The following RIMS2 variants were observed in gnomAD, a reference collection of about 807,000 sequenced individuals.
RIMS2 encodes the protein regulating synaptic membrane exocytosis protein 2.
Under a neutral mutation model 174.4 loss-of-function variants are expected in RIMS2, and 59 were observed. The observed-to-expected ratio is 0.34, with a 90% CI of 0.27 to 0.42. The LOEUF (loss-of-function observed/expected upper bound fraction) is 0.42. Among genes scored for constraint, RIMS2 ranks in the 10% least tolerant of loss-of-function variants. The probability of loss-of-function intolerance (pLI) is 1.00; values close to 1 mark genes in which losing one functional copy is unlikely to be tolerated. For synonymous variants in RIMS2, 606 were observed against 572.5 expected (o/e 1.06, Z -0.84); for missense variants, 1,620 against 1,666.3 (o/e 0.97, Z 0.48).
At chr8:103,899,965 G>A (rs944431231) in intron 4 of RIMS2, among the ~76,000 whole-genome samples, 3 of 151,554 alleles carry the variant, frequency 2.0e-5, no homozygotes, top group African/African-American at 7.3e-5. Context: ...AGCACCATTT[G>A]TTAAATAGGG....
At chr8:104,084,584 G>A (rs2097502240) in intron 19 of RIMS2, among the ~76,000 whole-genome samples, 1 of 151,392 alleles carries the variant, frequency 6.6e-6, no homozygotes, top group East Asian at 2.0e-4. Flanking sequence ...TGTTTTTTAT[G>A]AGACGTGCAA....
chr8:103,820,922 T>C (rs894258741), intron 3 of RIMS2, among the ~76,000 whole-genome samples: 1 of 151,448 alleles, frequency 6.6e-6, no homozygotes, highest in African/African-American at 2.4e-5. Context: ...TTTTATGTTA[T>C]ATTTAAATTA....
chr8:104,142,608 T>G (rs1186988065), intron 19 of RIMS2, among the ~76,000 whole-genome samples: 1 of 152,180 alleles, frequency 6.6e-6, no homozygotes, highest in Non-Finnish European at 1.5e-5. Context: ...TCCTGGATGC[T>G]CCTTAAGTTA....
intron 1 of RIMS2, among the ~76,000 whole-genome samples, chr8:103,558,634 T>G (rs10102124): frequency 0.18 from 27,582 of 152,126 alleles, 2,748 homozygotes; most frequent in African/African-American, 0.26. Context: ...TAAGATAGTT[T>G]TTTTTTTGTC....
chr8:103,760,080 A>G (rs753444266), intron 2 of RIMS2, among the ~76,000 whole-genome samples: 5 of 152,240 alleles, frequency 3.3e-5, no homozygotes, highest in Non-Finnish European at 5.9e-5. Context: ...AAAATAGAGA[A>G]ATAAATACGC....
chr8:103,715,143 A>G (rs2097352865), intron 2 of RIMS2, among the ~76,000 whole-genome samples: 2 of 152,106 alleles, frequency 1.3e-5, no homozygotes, highest in African/African-American at 4.8e-5. Context: ...CTGAAGTGAG[A>G]CAAGATGTTG....
intron 19 of RIMS2, among the ~76,000 whole-genome samples, chr8:104,123,411 TA>T (rs1393669577): frequency 1.3e-5 from 2 of 151,952 alleles, no homozygotes; most frequent in African/African-American, 4.8e-5. Context: ...TTTCCTCCAT[TA>T]AAAAAATTAA....
chr8:103,899,186 G>A (rs2099312425), intron 4 of RIMS2, among the ~76,000 whole-genome samples: 1 of 151,650 alleles, frequency 6.6e-6, no homozygotes. Context: ...AAACATATGT[G>A]TGCATGTGTC....
At chr8:103,521,648 T>C (rs1193816729) in intron 1 of RIMS2, among the ~76,000 whole-genome samples, 1 of 152,052 alleles carries the variant, frequency 6.6e-6, no homozygotes, top group African/African-American at 2.4e-5. Flanking sequence ...TTACTATTCA[T>C]TTTTGCTGTG....
At chr8:104,198,832 A>G (rs556134708) in intron 19 of RIMS2, among the ~76,000 whole-genome samples, 5 of 152,080 alleles carry the variant, frequency 3.3e-5, no homozygotes, top group Non-Finnish European at 7.4e-5. Context: ...AGGGTCCTGG[A>G]TGGGCCCAAG....
intron 1 of RIMS2, among the ~76,000 whole-genome samples, chr8:103,502,666 C>A (rs1422504990): frequency 2.0e-5 from 3 of 151,964 alleles, no homozygotes; most frequent in African/African-American, 7.2e-5. Context: ...CAATGCCAAG[C>A]TTTTGATGAC....
At chr8:103,691,118 T>G (rs2097018485) in intron 1 of RIMS2, among the ~76,000 whole-genome samples, 1 of 152,246 alleles carries the variant, frequency 6.6e-6, no homozygotes, top group Non-Finnish European at 1.5e-5. Context: ...TTTGGGATTC[T>G]TTCTTTATCC....
chr8:103,978,399 T>C (rs1014733001), intron 16 of RIMS2, among the ~76,000 whole-genome samples: 1 of 118,010 alleles, frequency 8.5e-6, no homozygotes, highest in African/African-American at 2.6e-5. Flanking sequence ...GTCAAAAGTG[T>C]CATAAAGGAC....
At chr8:103,789,790 G>GT (rs1481999640) in intron 3 of RIMS2, among the ~76,000 whole-genome samples, 1 of 92,494 alleles carries the variant, frequency 1.1e-5, no homozygotes, top group Admixed American at 1.5e-4. Flanking sequence ...GTCAGGCTTT[G>GT]TTGCCCAGGC....
At chr8:103,978,091 AG>A (rs1298804978) in intron 16 of RIMS2, among the ~76,000 whole-genome samples, 1 of 152,226 alleles carries the variant, frequency 6.6e-6, no homozygotes, top group African/African-American at 2.4e-5. Context: ...AAAAGTTATC[AG>A]AGGTGATCAG....
intron 20 of RIMS2, among the ~76,000 whole-genome samples, chr8:104,246,120 G>A (rs1421906798): frequency 6.6e-6 from 1 of 152,206 alleles, no homozygotes; most frequent in East Asian, 1.9e-4. Flanking sequence ...TATAGCCCCT[G>A]CTCCAGATGT....
At chr8:103,796,569 C>T (rs978265622) in intron 3 of RIMS2, among the ~76,000 whole-genome samples, 10 of 152,046 alleles carry the variant, frequency 6.6e-5, no homozygotes, top group African/African-American at 2.4e-4. Flanking sequence ...CTAGCCTCAG[C>T]AGATCACTAA....
At chr8:103,929,268 GGC>G (rs1370891404) in intron 11 of RIMS2, among the ~76,000 whole-genome samples, 9 of 151,532 alleles carry the variant, frequency 5.9e-5, no homozygotes, top group African/African-American at 2.2e-4. Flanking sequence ...GGTTTTCCAT[GGC>G]ATAAGGAAAT....
At chr8:103,801,744 C>T (rs1468009051) in intron 3 of RIMS2, among the ~76,000 whole-genome samples, 1 of 152,044 alleles carries the variant, frequency 6.6e-6, no homozygotes, top group African/African-American at 2.4e-5. Flanking sequence ...TTGTTTTGTC[C>T]TTCTTATTTA....
Sources: gnomAD v4.1 joint callset for allele counts (sites outside exome capture counted in the v4.1 genomes callset) on GRCh38, gnomAD v4.1.1 for gene constraint, MANE v1.5 for transcripts, NCBI Gene and HGNC (gene_info 2026-07-23, HGNC 2026-07-21) for gene names.